The following CPNE8 variants were observed in gnomAD, a reference collection of about 807,000 sequenced individuals.
CPNE8 encodes the protein copine 8.
Under a neutral mutation model 81.5 loss-of-function variants are expected in CPNE8, and 45 were observed. That is an observed-to-expected ratio of 0.55 (90% confidence interval 0.44 to 0.71). The LOEUF (loss-of-function observed/expected upper bound fraction) is 0.71. CPNE8 is among the 30% of genes least tolerant of loss of function. The pLI is 0.00. For missense variants in CPNE8, 594 were observed against 672.1 expected (o/e 0.88, Z 1.28); for synonymous variants, 252 against 226.3 (o/e 1.11, Z -1.02).
chr12:38,748,182 TG>T (rs1941277772), intron 10 of CPNE8, among the ~76,000 whole-genome samples: 1 of 151,770 alleles, frequency 6.6e-6, no homozygotes, highest in African/African-American at 2.4e-5. Context: ...AGCTAATTTT[TG>T]TATTTTTAGT....
chr12:38,844,621 T>A (rs1190090815), intron 4 of CPNE8, among the ~76,000 whole-genome samples: 3 of 151,936 alleles, frequency 2.0e-5, no homozygotes, highest in South Asian at 2.1e-4. Flanking sequence ...ATAAAAAAAA[T>A]TATTATCGGT....
intron 14 of CPNE8, among the ~76,000 whole-genome samples, chr12:38,694,570 GTC>G (rs1219214679): frequency 6.6e-6 from 1 of 152,164 alleles, no homozygotes; most frequent in Non-Finnish European, 1.5e-5. Context: ...TATAGTCTGG[GTC>G]ATCCACAAGG....
chr12:38,796,774 G>A (rs1942487111), intron 6 of CPNE8, among the ~76,000 whole-genome samples: 2 of 152,104 alleles, frequency 1.3e-5, no homozygotes, highest in African/African-American at 2.4e-5. Flanking sequence ...CAAGTGGTCA[G>A]GGAGTTCCCT....
At chr12:38,785,735 C>T (rs993279827) in intron 6 of CPNE8, among the ~76,000 whole-genome samples, 5 of 152,034 alleles carry the variant, frequency 3.3e-5, no homozygotes, top group Non-Finnish European at 5.9e-5. Context: ...CATATATAGA[C>T]ACAACAAAAA....
At chr12:38,895,111 A>G (rs952102244) in intron 1 of CPNE8, among the ~76,000 whole-genome samples, 6 of 152,132 alleles carry the variant, frequency 3.9e-5, no homozygotes. Context: ...CATAGAGAGC[A>G]TGAAGCTAAT....
At chr12:38,772,455 G>T (rs775987814) in intron 7 of CPNE8, among the ~76,000 whole-genome samples, 1 of 151,934 alleles carries the variant, frequency 6.6e-6, no homozygotes, top group South Asian at 2.1e-4. Flanking sequence ...TTAAAAATGG[G>T]CTAAGAACCT....
intron 10 of CPNE8, among the ~76,000 whole-genome samples, chr12:38,745,795 G>A (rs1041755499): frequency 1.3e-5 from 2 of 152,186 alleles, no homozygotes. Flanking sequence ...TTCTGCCTCA[G>A]CCTCTCAAAG....
chr12:38,755,797 T>G (rs1941443977), intron 10 of CPNE8, among the ~76,000 whole-genome samples: 1 of 151,934 alleles, frequency 6.6e-6, no homozygotes, highest in Non-Finnish European at 1.5e-5. Context: ...TCCCAGCACT[T>G]TGGGAGGCCG....
chr12:38,867,649 G>T (rs932249061), intron 3 of CPNE8, among the ~76,000 whole-genome samples: 8 of 152,030 alleles, frequency 5.3e-5, no homozygotes, highest in African/African-American at 1.4e-4. Flanking sequence ...ATTGTCTATG[G>T]ATAACTAAAA....
intron 1 of CPNE8, among the ~76,000 whole-genome samples, chr12:38,883,171 A>C (rs1204327158): frequency 6.6e-6 from 1 of 152,240 alleles, no homozygotes; most frequent in Non-Finnish European, 1.5e-5. Context: ...AAATAAGTTA[A>C]TCAAATTCAG....
chr12:38,822,600 G>A (rs915739621), intron 6 of CPNE8, among the ~76,000 whole-genome samples: 5 of 152,156 alleles, frequency 3.3e-5, no homozygotes, highest in African/African-American at 7.2e-5. Flanking sequence ...TTCAGATGAG[G>A]AAGCTGGGTC....
chr12:38,906,141 C>T (rs1238965660), upstream of CPNE8: 7 of 985,758 alleles, frequency 7.1e-6, no homozygotes, highest in Non-Finnish European at 8.4e-6. Flanking sequence ...TTGGTTCTCA[C>T]CTCGCCCTCG....
At chr12:38,766,079 C>T (rs770957145) in intron 8 of CPNE8, among the ~76,000 whole-genome samples, 6 of 151,980 alleles carry the variant, frequency 3.9e-5, no homozygotes, top group Non-Finnish European at 5.9e-5. Flanking sequence ...AGGATGGTCT[C>T]GATCTCTTGA....
chr12:38,770,347 T>C (rs552660042), intron 7 of CPNE8, among the ~76,000 whole-genome samples: 1 of 152,296 alleles, frequency 6.6e-6, no homozygotes, highest in East Asian at 1.9e-4. Context: ...AGTTGCATCA[T>C]TTACCTCTAA....
chr12:38,691,582 CAT>C (rs1327178915), intron 15 of CPNE8, among the ~76,000 whole-genome samples: 3 of 151,800 alleles, frequency 2.0e-5, no homozygotes, highest in African/African-American at 7.3e-5. Context: ...TTATCATTAA[CAT>C]AATCATTCTT....
chr12:38,702,998 T>C, intron 13 of CPNE8, 77 bp from the exon 14 acceptor site: 1 of 992,114 alleles, frequency 1.0e-6, no homozygotes. Context: ...TTCGGTTATA[T>C]TTTTTAATGT....
At chr12:38,836,552 T>A (rs934339781) in intron 5 of CPNE8, among the ~76,000 whole-genome samples, 1 of 151,696 alleles carries the variant, frequency 6.6e-6, no homozygotes, top group Non-Finnish European at 1.5e-5. Flanking sequence ...AAAAAAAAAA[T>A]TATTATTACT....
At chr12:38,838,894 C>A (rs1456457068) in intron 5 of CPNE8, among the ~76,000 whole-genome samples, 1 of 152,092 alleles carries the variant, frequency 6.6e-6, no homozygotes, top group Non-Finnish European at 1.5e-5. Context: ...AGCTCGTAAT[C>A]CCCCTTTCTG....
intron 10 of CPNE8, among the ~76,000 whole-genome samples, chr12:38,758,364 A>T (rs1346259234): frequency 6.6e-6 from 1 of 152,176 alleles, no homozygotes; most frequent in Non-Finnish European, 1.5e-5. Context: ...ACAATTTCAG[A>T]TAATAAAAAA....
Sources: gnomAD v4.1 joint callset for allele counts (sites outside exome capture counted in the v4.1 genomes callset) on GRCh38, gnomAD v4.1.1 for gene constraint, MANE v1.5 for transcripts, NCBI Gene and HGNC (gene_info 2026-07-23, HGNC 2026-07-21) for gene names.